The following IL4R variants were observed in gnomAD, a reference collection of about 807,000 sequenced individuals.
IL4R encodes interleukin 4 receptor, also known as interleukin-4 receptor subunit alpha.
IL4R carries 17 observed loss-of-function variants against 41.5 expected under a neutral mutation model. That is an observed-to-expected ratio of 0.41 (90% confidence interval 0.28 to 0.61). The LOEUF is 0.61. Ranked by LOEUF, IL4R falls within the 20% of genes least tolerant of loss-of-function variation. The pLI is 0.31. For missense variants in IL4R, 974 were observed against 1,043.1 expected (o/e 0.93, Z 0.91); for synonymous variants, 402 against 422.9 (o/e 0.95, Z 0.61).
chr16:27,361,371 C>T lies in IL4R; in HGVS notation c.899+556C>T, dbSNP rs143382253. 9.9e-3 allele frequency among the ~76,000 whole-genome samples: 1,497 copies of T among 150,828 alleles called. 22 individuals carry two copies. The highest frequency in any genetic ancestry group is 0.034 in the African/African-American group (1,406 of 41,198). ...CTGAGGCATGAGAATCACTTGAACC[C>T]GGGAGGCAGAGGTTGCAGTGAGCGC... On this transcript the variant is annotated intron_variant, in intron 10 of 10. Coordinates refer to ENST00000395762, the MANE Select transcript of IL4R (RefSeq NM_000418.4).
rs1465032059 is a variant in IL4R at position 27,316,647 on chromosome 16, ACAAT to A, written c.-152+2632_-152+2635del. Among the ~76,000 whole-genome samples, 3 of 152,358 alleles carry A rather than the reference ACAAT, an allele frequency of 2.0e-5. No homozygotes were observed. In the East Asian group the frequency reaches 5.8e-4, roughly 29 times the overall value. On this transcript the variant is annotated intron_variant, in intron 1 of 10. Coordinates refer to ENST00000395762, the MANE Select transcript of IL4R (RefSeq NM_000418.4). The stretch of plus-strand genomic sequence containing the variant: ...ACAATGTCCAACACCCAGTGGGTCC[ACAAT>A]CAATGTATATGTCTGTTGTTACCTG...
intron 1 of IL4R, among the ~76,000 whole-genome samples, chr16:27,320,986 C>T (rs1248809719): frequency 1.3e-5 from 2 of 151,744 alleles, no homozygotes; most frequent in Non-Finnish European, 2.9e-5. Context: ...CTCTGCTGCC[C>T]AGGCTGGAGT....
intron 2 of IL4R, among the ~76,000 whole-genome samples, chr16:27,331,060 T>C (rs187744302): frequency 0.11 from 16,593 of 152,022 alleles, 1,100 homozygotes; most frequent in Non-Finnish European, 0.14. Context: ...CCCCCCAGAC[T>C]TCTCAAAAAT....
intron 1 of IL4R, among the ~76,000 whole-genome samples, chr16:27,319,104 T>C (rs774361539): frequency 1.3e-4 from 19 of 151,834 alleles, no homozygotes; most frequent in Non-Finnish European, 2.5e-4. Flanking sequence ...GGGGAAAGAG[T>C]GATCCTGGCA....
chr16:27,314,535 G>C (rs2141036843), intron 1 of IL4R, among the ~76,000 whole-genome samples: 1 of 152,336 alleles, frequency 6.6e-6, no homozygotes, highest in Admixed American at 6.5e-5. Flanking sequence ...TTACTGAAAG[G>C]ATGCCAAGTG....
At chr16:27,344,435 G>A (rs895215233) in intron 4 of IL4R, among the ~76,000 whole-genome samples, 14 of 150,782 alleles carry the variant, frequency 9.3e-5, no homozygotes, top group Non-Finnish European at 1.9e-4. Context: ...GCCTGTTACA[G>A]AAAAAGTTTG....
In IL4R at chr16:27,342,218, C is replaced by T. The variant is rs927581850; in HGVS notation, c.168C>T (p.Thr56=). ...WKMNGPTNCS[T]ELRLLYQLVF... is the part of the protein sequence containing the mutation. The stretch of plus-strand genomic sequence containing the variant: ...TGAATGGTCCCACCAATTGCAGCAC[C>T]GAGCTCCGCCTGTTGTACCAGCTGG... Residue 56 remains threonine (T), a synonymous_variant, in exon 4 of 11, where the codon ACC becomes ACT. Transcript: ENST00000395762. 24 of 1,614,090 alleles carry T rather than the reference C, an allele frequency of 1.5e-5. No homozygotes were observed. The highest frequency in any genetic ancestry group is 5.3e-5 in the African/African-American group (4 of 74,940).
chr16:27,327,827 T>C (rs530312933), intron 1 of IL4R, among the ~76,000 whole-genome samples: 59 of 152,070 alleles, frequency 3.9e-4, no homozygotes, highest in Non-Finnish European at 7.1e-4. Context: ...ATTAATATAT[T>C]GTAAGTACTT....
chr16:27,363,623 C>T lies in IL4R; in HGVS notation c.2271C>T (p.Thr757=), dbSNP rs1197325229. The T allele has an allele frequency of 3.1e-6, 5 of 1,613,782 alleles. 1 individual carries two copies. The highest frequency in any genetic ancestry group is 2.7e-5 in the African/African-American group (2 of 74,910). ...GAGACAGGTCCTCGCCCCCTACAAC[C>T]CCCCTGAGGGCCCCAGACCCCTCTC... ...CCGDRSSPPT[T]PLRAPDPSPG... Residue 757 remains threonine (T), a synonymous_variant, in exon 11 of 11, where the codon ACC becomes ACT. Transcript: ENST00000395762.
At chr16:27,350,320 CAA>C (rs1472958821) in intron 6 of IL4R, among the ~76,000 whole-genome samples, 2 of 152,072 alleles carry the variant, frequency 1.3e-5, no homozygotes, top group Non-Finnish European at 2.9e-5. Context: ...GAAAGAAAGA[CAA>C]AAGAGAGTGA....
intron 2 of IL4R, among the ~76,000 whole-genome samples, chr16:27,332,680 A>G (rs550464656): frequency 6.6e-6 from 1 of 151,810 alleles, no homozygotes; most frequent in South Asian, 2.1e-4. Flanking sequence ...TCATTGATGT[A>G]TGCTCCAATT....
chr16:27,363,814 A>G lies in IL4R; in HGVS notation c.2462A>G (p.Tyr821Cys). 6.2e-7 allele frequency: 1 copy of G among 1,603,968 alleles called. No individual in the cohort carries two copies. Among genetic ancestry groups the G allele is most frequent in the Non-Finnish European group, 8.5e-7 (1 of 1,179,654 alleles). The change falls in exon 11 of 11, where the codon TAC becomes TGC. Residue 821 changes from tyrosine to cysteine, a missense_variant. Physicochemically the swap from Tyr to Cys is radical, Grantham distance 194. Transcript: ENST00000395762. ...IVNFVSVGPTYMRVS is the reference protein window; with the variant it reads ...IVNFVSVGPTCMRVS ...AACTTTGTCTCCGTGGGACCCACAT[A>G]CATGAGGGTCTCTTAGGTGCATGTC...
At chr16:27,344,254 G>A (rs1470787705) in intron 4 of IL4R, among the ~76,000 whole-genome samples, 2 of 150,568 alleles carry the variant, frequency 1.3e-5, no homozygotes, top group African/African-American at 2.4e-5. Flanking sequence ...GCAGTGAGCC[G>A]AGATCACATC....
rs375367781 is a variant in IL4R at position 27,362,455 on chromosome 16, C to A, written c.1103C>A (p.Pro368Gln). ...CGATGTGTGGAGTTGTTTGAGGCCC[C>A]GGTGGAGTGTGAGGAGGAGGAGGAG... ...VVRCVELFEA[P>Q]VECEEEEEVE... The change falls in exon 11 of 11, where the codon CCG becomes CAG. Residue 368 changes from proline to glutamine, a missense_variant. By Grantham distance (76) the Pro-to-Gln change is moderately conservative. Around this residue, in one of 3 missense-constraint regions of IL4R, gnomAD observed 682 missense variants for 704.3 expected, o/e 0.97. Coordinates refer to ENST00000395762, the MANE Select transcript of IL4R (RefSeq NM_000418.4). 4 of 1,613,976 alleles carry A rather than the reference C, an allele frequency of 2.5e-6. No individual in the cohort carries two copies. In the South Asian group the frequency reaches 3.3e-5, roughly 13 times the overall value.
intron 7 of IL4R, among the ~76,000 whole-genome samples, chr16:27,353,327 A>G (rs1277464857): frequency 6.6e-6 from 1 of 151,800 alleles, no homozygotes; most frequent in Non-Finnish European, 1.5e-5. Context: ...CATCTCTAAA[A>G]ATAAATAAAT....
chr16:27,341,544 G>T (rs771006229), intron 3 of IL4R, among the ~76,000 whole-genome samples: 1 of 152,088 alleles, frequency 6.6e-6, no homozygotes, highest in Non-Finnish European at 1.5e-5. Context: ...TCCTGCCATG[G>T]CCACTGACAA....
chr16:27,344,023 C>T (rs745490615), intron 4 of IL4R, among the ~76,000 whole-genome samples: 3 of 151,906 alleles, frequency 2.0e-5, no homozygotes, highest in African/African-American at 7.3e-5. Flanking sequence ...CTTGTAAGGC[C>T]GGGCACTGTG....
intron 1 of IL4R, among the ~76,000 whole-genome samples, chr16:27,317,896 C>T (rs1232891253): frequency 6.6e-6 from 1 of 152,218 alleles, no homozygotes; most frequent in African/African-American, 2.4e-5. Flanking sequence ...GACCGAGTCC[C>T]TTCTGCGTAT....
rs2085607455 is a variant in IL4R at position 27,345,413 on chromosome 16, CCTT to C, written c.361+399_361+401del. On this transcript the variant is annotated intron_variant, in intron 5 of 10. Coordinates refer to ENST00000395762, the MANE Select transcript of IL4R (RefSeq NM_000418.4). The surrounding 1 kb of genome is among the most constrained non-coding windows in gnomAD (Gnocchi z 4.5). ...GATGGTCTTGACCGTGGAAGGCTGA[CCTT>C]CTTCTGGTACCCGGAGTCCCTGCAG... 6 of 354,600 alleles carry C rather than the reference CCTT, an allele frequency of 1.7e-5. No homozygotes were observed. The Admixed American group carries it at 1.9e-4, about 11-fold the overall frequency. 22.0% of individuals were successfully genotyped at this position (354,600 alleles called of 1,614,324 possible). A position where few individuals can be genotyped will look rare whatever the true frequency, so the allele number is the denominator to read the frequency against.
Sources: allele counts gnomAD v4.1 joint callset (sites outside exome capture counted in the v4.1 genomes callset), GRCh38; gene constraint gnomAD v4.1.1; regional missense constraint gnomAD v4.1.1; non-coding constraint Gnocchi (gnomAD v3.1); transcripts MANE v1.5; gene names NCBI Gene and HGNC (gene_info 2026-07-23, HGNC 2026-07-21).